KIAA1217: variants seen among roughly 807,000 people sequenced by gnomAD.
KIAA1217 encodes the protein KIAA1217, also known as sickle tail protein homolog.
A neutral mutation model predicts 163.9 loss-of-function variants in KIAA1217; 88 were observed. The observed-to-expected ratio is 0.54, with a 90% CI of 0.45 to 0.64. The LOEUF (loss-of-function observed/expected upper bound fraction) is 0.64, where lower values mean the gene tolerates loss of function less well. KIAA1217 is among the 30% of genes least tolerant of loss of function. The probability of loss-of-function intolerance (pLI) is 0.00; values close to 1 mark genes in which losing one functional copy is unlikely to be tolerated. For missense variants in KIAA1217, 2,372 were observed against 2,475.0 expected, an observed-to-expected ratio of 0.96 and a Z score of 0.88; for synonymous variants, 903 against 923.1, an observed-to-expected ratio of 0.98 and a Z score of 0.39.
chr10:24,334,059 A>G (rs1167637113), intron 2 of KIAA1217, among the ~76,000 whole-genome samples: 2 of 152,176 alleles, frequency 1.3e-5, no homozygotes, highest in Admixed American at 6.6e-5. Context: ...GGGGGAGGGT[A>G]TGTGTCTCCT....
chr10:23,978,336 C>T (rs1167682695), intron 1 of KIAA1217, among the ~76,000 whole-genome samples: 1 of 152,132 alleles, frequency 6.6e-6, no homozygotes. Context: ...CCTAAAAGTT[C>T]CCAGGTTTAT....
chr10:24,464,668 A>G (rs2062761450), intron 5 of KIAA1217, among the ~76,000 whole-genome samples: 1 of 152,100 alleles, frequency 6.6e-6, no homozygotes, highest in Non-Finnish European at 1.5e-5. Context: ...TACTTTTTGT[A>G]TAGGCTGGGC....
intron 2 of KIAA1217, among the ~76,000 whole-genome samples, chr10:24,080,312 C>T (rs11013886): frequency 0.11 from 16,662 of 152,128 alleles, 2,007 homozygotes; most frequent in African/African-American, 0.3. Context: ...GTTGTTTATA[C>T]GGCATTCCTG....
chr10:23,844,811 A>C (rs1418771181), intron 1 of KIAA1217, among the ~76,000 whole-genome samples: 3 of 151,914 alleles, frequency 2.0e-5, no homozygotes, highest in African/African-American at 4.8e-5. Flanking sequence ...ACATAGGTAT[A>C]CACATGCCAT....
At chr10:24,314,870 G>GTGAACT in intron 2 of KIAA1217, among the ~76,000 whole-genome samples, 1 of 152,284 alleles carries the variant, frequency 6.6e-6, no homozygotes, top group East Asian at 1.9e-4. Flanking sequence ...CGTGAACCCA[G>GTGAACT]GAGGCAGAGC....
chr10:23,973,177 G>GT lies in KIAA1217; in HGVS notation c.-320-34041dup, dbSNP rs5783870. 3.2e-4 allele frequency among the ~76,000 whole-genome samples: 49 copies of GT among 152,056 alleles called. No individual in the cohort carries two copies. In the East Asian group the frequency reaches 4.5e-3, roughly 14 times the overall value. Reference sequence around the variant, plus strand: ...GTCAGCTAATACTGATGAATTTAAAGTTTTTTTCCGCATCCTTGTTATGTA... The same window carrying GT: ...GTCAGCTAATACTGATGAATTTAAAGTTTTTTTTCCGCATCCTTGTTATGTA... On this transcript the variant is annotated intron_variant, in intron 1 of 18. Coordinates refer to the KIAA1217 transcript ENST00000376462.
At chr10:23,897,947 C>G (rs1248050296) in intron 1 of KIAA1217, among the ~76,000 whole-genome samples, 1 of 151,982 alleles carries the variant, frequency 6.6e-6, no homozygotes, top group Non-Finnish European at 1.5e-5. Context: ...TAAAAACGCT[C>G]TCTCCTGAAT....
chr10:24,024,323 A>G (rs375421373), intron 2 of KIAA1217, among the ~76,000 whole-genome samples: 11 of 151,768 alleles, frequency 7.2e-5, no homozygotes, highest in African/African-American at 2.7e-4. Context: ...CTGGTCCTAA[A>G]TAAATGGAAT....
rs576721927 is a variant in KIAA1217, at chr10:24,537,750, C to A, written c.3534+857C>A. On this transcript the variant is annotated intron_variant, in intron 17 of 20. Transcript: ENST00000376454. ...AAGTATTATCCATTTATAAAGTGTA[C>A]CTTCCAAGATAGTAAGTTCAGTATA... 6.8e-4 allele frequency among the ~76,000 whole-genome samples: 103 copies of A among 152,178 alleles called. 1 individual carries two copies. The highest frequency in any genetic ancestry group is 1.3e-3 in the Non-Finnish European group (90 of 68,010).
intron 6 of KIAA1217, among the ~76,000 whole-genome samples, chr10:24,485,169 T>A (rs925364291): frequency 1.3e-5 from 2 of 151,728 alleles, no homozygotes; most frequent in African/African-American, 4.8e-5. Context: ...TGTAAATCCC[T>A]TCCAACCAGA....
chr10:24,545,917 T>G lies in KIAA1217; in HGVS notation c.5425T>G (p.Ser1809Ala). The G allele has an allele frequency of 6.2e-7, 1 of 1,614,116 alleles. No individual in the cohort carries two copies. The highest frequency in any genetic ancestry group is 1.1e-5 in the South Asian group (1 of 91,070). ...ASKIPALSPS[S>A]GKSSSLPSSS... Reference sequence around the variant, plus strand: ...TAAGATTCCAGCCCTTTCTCCCAGCTCTGGGAAAAGCAGTTCTCTGCCCTC... The same window carrying G: ...TAAGATTCCAGCCCTTTCTCCCAGCGCTGGGAAAAGCAGTTCTCTGCCCTC... Residue 1809 changes from serine to alanine, a missense_variant, in exon 21 of 21, where the codon TCT (serine) becomes GCT (alanine). By Grantham distance (99) the Ser-to-Ala change is moderately conservative (BLOSUM62 1). Coordinates refer to ENST00000376454, the MANE Select transcript of KIAA1217 (RefSeq NM_019590.5).
chr10:24,211,142 A>G (rs2068021977), intron 1 of KIAA1217, among the ~76,000 whole-genome samples: 1 of 152,152 alleles, frequency 6.6e-6, no homozygotes, highest in South Asian at 2.1e-4. Context: ...AAATAGGATT[A>G]TTAGAAAGAG....
intron 5 of KIAA1217, among the ~76,000 whole-genome samples, chr10:24,467,437 G>A (rs978215805): frequency 6.6e-6 from 1 of 152,252 alleles, no homozygotes; most frequent in South Asian, 2.1e-4. Flanking sequence ...AGATGAATGA[G>A]GTAGAACAGT....
At chr10:24,508,955 C>T (rs1017023683) in intron 9 of KIAA1217, among the ~76,000 whole-genome samples, 1 of 152,146 alleles carries the variant, frequency 6.6e-6, no homozygotes, top group East Asian at 1.9e-4. Flanking sequence ...AAATATATAG[C>T]TGTCTTTCAG....
chr10:23,775,002 T>C (rs1834949230), intron 1 of KIAA1217, among the ~76,000 whole-genome samples: 1 of 152,136 alleles, frequency 6.6e-6, no homozygotes, highest in South Asian at 2.1e-4. Context: ...TGAGGTTGGT[T>C]GGGTCAAATG....
intron 2 of KIAA1217, among the ~76,000 whole-genome samples, chr10:24,175,013 T>C (rs2065804341): frequency 2.4e-5 from 3 of 127,026 alleles, no homozygotes; most frequent in Middle Eastern, 4.3e-3. Flanking sequence ...TGCACCACCA[T>C]GCCTGGCTAA....
chr10:24,520,025 CTA>C, intron 10 of KIAA1217, 96 bp from the exon 11 acceptor site: 1 of 1,402,260 alleles, frequency 7.1e-7, no homozygotes, highest in Middle Eastern at 2.5e-4. Context: ...AGCTGGGGCT[CTA>C]CACAAAATCA....
intron 2 of KIAA1217, among the ~76,000 whole-genome samples, chr10:24,363,782 A>G (rs926435423): frequency 6.6e-6 from 1 of 151,448 alleles, no homozygotes; most frequent in Admixed American, 6.6e-5. Flanking sequence ...GTGTTGCCCA[A>G]GCTGGTTTTG....
chr10:23,929,688 C>T (rs1203396810), intron 1 of KIAA1217, among the ~76,000 whole-genome samples: 3 of 152,102 alleles, frequency 2.0e-5, no homozygotes, highest in African/African-American at 2.4e-5. Flanking sequence ...GGTATATTTT[C>T]TTTATTCAAT....
Sources: gnomAD v4.1 joint callset for allele counts (sites outside exome capture counted in the v4.1 genomes callset) on GRCh38, gnomAD v4.1.1 for gene constraint, MANE v1.5 for transcripts, NCBI Gene and HGNC (gene_info 2026-07-23, HGNC 2026-07-21) for gene names.